CSTPP1: variants seen among roughly 807,000 people sequenced by gnomAD.
CSTPP1 encodes the protein centriolar satellite-associated tubulin polyglutamylase complex regulator 1, also known as UPF0705 protein C11orf49.
At chr11:47,086,577 G>A in the CSTPP1 span, among the ~76,000 whole-genome samples, 2 of 152,160 alleles carry the variant, frequency 1.3e-5, no homozygotes, top group Non-Finnish European at 2.9e-5. Context: ...GGAGGCGAAG[G>A]AAAAGGAATA....
the CSTPP1 span, among the ~76,000 whole-genome samples, chr11:46,988,644 G>C: frequency 6.6e-6 from 1 of 152,024 alleles, no homozygotes; most frequent in African/African-American, 2.4e-5. Flanking sequence ...AAAAAGACCT[G>C]CTATTTGATA....
the CSTPP1 span, among the ~76,000 whole-genome samples, chr11:47,021,614 T>G: frequency 6.6e-6 from 1 of 152,148 alleles, no homozygotes; most frequent in South Asian, 2.1e-4. Flanking sequence ...CTCTGTTGTT[T>G]TTTAGGGTTT....
the CSTPP1 span, among the ~76,000 whole-genome samples, chr11:46,973,798 GTCTGTGTGTGTC>G: frequency 9.5e-6 from 1 of 105,262 alleles, no homozygotes; most frequent in Non-Finnish European, 2.5e-5. Flanking sequence ...GTGTGTGTGT[GTCTGTGTGTGTC>G]TGTGTGTCTG....
At chr11:46,941,468 T>C in the CSTPP1 span, among the ~76,000 whole-genome samples, 3 of 152,338 alleles carry the variant, frequency 2.0e-5, no homozygotes, top group African/African-American at 7.2e-5. Context: ...GCCTCCCAAG[T>C]AGCTGGGATT....
the CSTPP1 span, chr11:47,041,094 C>T: frequency 5.3e-6 from 1 of 189,454 alleles, no homozygotes. Flanking sequence ...CTGCCCCCTG[C>T]ACCTCATGGG....
chr11:47,088,568 A>C, the CSTPP1 span, among the ~76,000 whole-genome samples: 1 of 152,106 alleles, frequency 6.6e-6, no homozygotes, highest in Non-Finnish European at 1.5e-5. Flanking sequence ...ATTTATTTTG[A>C]GACAGCGTCT....
the CSTPP1 span, among the ~76,000 whole-genome samples, chr11:47,039,952 T>G: frequency 7.7e-6 from 1 of 129,040 alleles, no homozygotes; most frequent in African/African-American, 2.5e-5. Flanking sequence ...CAACAATTAT[T>G]AATAGATACT....
At chr11:47,013,211 TTATA>T in the CSTPP1 span, among the ~76,000 whole-genome samples, 2 of 148,782 alleles carry the variant, frequency 1.3e-5, no homozygotes, top group Non-Finnish European at 3.0e-5. Flanking sequence ...ATATAAATGG[TTATA>T]TATATATATT....
chr11:46,961,186 C>A, the CSTPP1 span, among the ~76,000 whole-genome samples: 1 of 152,202 alleles, frequency 6.6e-6, no homozygotes, highest in African/African-American at 2.4e-5. Context: ...TACCCACCAG[C>A]AGTATATGAG....
chr11:47,155,064 G>A, the CSTPP1 span: 1 of 914,314 alleles, frequency 1.1e-6, no homozygotes, highest in Non-Finnish European at 1.8e-6. Flanking sequence ...CCCAGGAACA[G>A]CTCTCTCTCT....
chr11:47,005,474 T>TTA, the CSTPP1 span, among the ~76,000 whole-genome samples: 1 of 152,160 alleles, frequency 6.6e-6, no homozygotes, highest in Non-Finnish European at 1.5e-5. Flanking sequence ...TGGCATTAAG[T>TTA]TATATGGCCC....
the CSTPP1 span, among the ~76,000 whole-genome samples, chr11:47,151,489 A>G: frequency 6.6e-6 from 1 of 151,962 alleles, no homozygotes; most frequent in African/African-American, 2.4e-5. Context: ...GGCTGGGGGT[A>G]GGATGGTGGC....
the CSTPP1 span, among the ~76,000 whole-genome samples, chr11:46,986,064 G>A: frequency 2.0e-5 from 3 of 152,132 alleles, no homozygotes; most frequent in Non-Finnish European, 4.4e-5. Context: ...CGTTTTAAAC[G>A]GCATCCCAGG....
At chr11:46,987,969 C>A in the CSTPP1 span, 2 of 152,266 alleles carry the variant, frequency 1.3e-5, no homozygotes, top group Non-Finnish European at 2.9e-5. Context: ...AGGTGCTCAA[C>A]ATCATTGATC....
chr11:47,116,325 A>G, the CSTPP1 span, among the ~76,000 whole-genome samples: 2 of 152,206 alleles, frequency 1.3e-5, no homozygotes, highest in African/African-American at 4.8e-5. Flanking sequence ...GTAGATGTCT[A>G]TTAGGTCTGC....
the CSTPP1 span, among the ~76,000 whole-genome samples, chr11:47,085,477 G>C: frequency 6.6e-6 from 1 of 152,116 alleles, no homozygotes; most frequent in African/African-American, 2.4e-5. Flanking sequence ...ATACTCTTTG[G>C]ACTGGAAAAG....
At chr11:47,009,605 C>T in the CSTPP1 span, among the ~76,000 whole-genome samples, 10 of 151,924 alleles carry the variant, frequency 6.6e-5, no homozygotes, top group South Asian at 2.1e-4. Flanking sequence ...GAGACCAGTC[C>T]GGCCAACATG....
chr11:46,968,723 AC>A, the CSTPP1 span, among the ~76,000 whole-genome samples: 22 of 151,750 alleles, frequency 1.4e-4, no homozygotes, highest in African/African-American at 5.1e-4. Flanking sequence ...ACATGGTGAC[AC>A]CCCGTCTCTA....
At chr11:46,944,505 G>A in the CSTPP1 span, among the ~76,000 whole-genome samples, 10 of 152,074 alleles carry the variant, frequency 6.6e-5, no homozygotes, top group African/African-American at 2.2e-4. Context: ...GGAGGGGAGG[G>A]TAATTGACTC....
Sources: allele counts gnomAD v4.1 joint callset (sites outside exome capture counted in the v4.1 genomes callset), GRCh38; gene constraint gnomAD v4.1.1; transcripts MANE v1.5; gene names NCBI Gene and HGNC (gene_info 2026-07-23, HGNC 2026-07-21).